The following TFAP2B variants were observed in gnomAD, a reference collection of about 807,000 sequenced individuals.
The protein encoded by TFAP2B is transcription factor AP-2 beta, also known as transcription factor AP-2-beta.
A neutral mutation model predicts 44.3 loss-of-function variants in TFAP2B; 9 were observed. That is an observed-to-expected ratio of 0.20 (90% CI 0.12 to 0.35). TFAP2B has a LOEUF of 0.35. TFAP2B is among the 10% of genes least tolerant of loss of function. The pLI is 1.00. For missense variants in TFAP2B, 509 were observed against 600.0 expected (o/e 0.85, Z 1.59); for synonymous variants, 270 against 263.8 (o/e 1.02, Z -0.23).
In TFAP2B at chr6:50,823,595, C is replaced by T. The variant is rs759283766; in HGVS notation, c.270C>T (p.Asn90=). The change falls in exon 2 of 7, where the codon AAC becomes AAT. Residue 90 remains asparagine, a synonymous_variant. Transcript: ENST00000393655. ...HQSQDPYSHV[N]DPYSLNPLHQ... ...GCCAGGACCCCTACTCCCACGTCAA[C>T]GACCCCTACTCCCTGAACCCACTGC... is the stretch of plus-strand genomic sequence containing the variant. 25 of 1,613,978 alleles carry T rather than the reference C, an allele frequency of 1.5e-5. No individual in the cohort carries two copies. The highest frequency in any genetic ancestry group is 2.0e-5 in the Non-Finnish European group (24 of 1,180,022).
At chr6:50,836,809 TA>T (rs1321444838) in intron 4 of TFAP2B, among the ~76,000 whole-genome samples, 2 of 152,206 alleles carry the variant, frequency 1.3e-5, no homozygotes, top group African/African-American at 4.8e-5. Flanking sequence ...CCCAGTTTGA[TA>T]AACTCTTTTT....
At chr6:50,825,295 G>GTT (rs11345533) in intron 2 of TFAP2B, among the ~76,000 whole-genome samples, 136 of 150,154 alleles carry the variant, frequency 9.1e-4, no homozygotes, top group East Asian at 1.8e-3. Flanking sequence ...GTATTTAATA[G>GTT]TTTTTTTTTT....
At chr6:50,835,956 C>G (rs536695761) in intron 3 of TFAP2B, 105 bp from the exon 4 acceptor site, 1 of 938,122 alleles carries the variant, frequency 1.1e-6, no homozygotes, top group East Asian at 2.4e-5. Context: ...CCTCAGCTTT[C>G]CACTTGGTGT....
At chr6:50,842,945 C>A in intron 6 of TFAP2B, 147 bp from the exon 7 acceptor site, 1 of 1,146,478 alleles carries the variant, frequency 8.7e-7, no homozygotes. Context: ...AGGGAGGGCG[C>A]TGGGAAAGGA....
At chr6:50,832,775 G>C (rs1374488645) in intron 3 of TFAP2B, among the ~76,000 whole-genome samples, 2 of 152,164 alleles carry the variant, frequency 1.3e-5, no homozygotes, top group African/African-American at 4.8e-5. Flanking sequence ...TTAAAGAGTA[G>C]AGATTAAAAA....
At chr6:50,819,103 A>G in intron 1 of TFAP2B, 131 bp downstream of exon 1, 1 of 904,226 alleles carries the variant, frequency 1.1e-6, no homozygotes, top group East Asian at 2.6e-5. Context: ...AGCTTTTTTT[A>G]ACTTTTAGAA....
chr6:50,840,486 G>A (rs1261960544), intron 6 of TFAP2B, among the ~76,000 whole-genome samples, 189 bp downstream of exon 6: 1 of 152,168 alleles, frequency 6.6e-6, no homozygotes, highest in East Asian at 1.9e-4. Flanking sequence ...CCTCTCTGGG[G>A]AAAATGGCTT....
chr6:50,818,705 C>T (rs1581802343), upstream of TFAP2B: 9 of 603,610 alleles, frequency 1.5e-5, no homozygotes, highest in Non-Finnish European at 2.1e-5. Context: ...CATCTAACTC[C>T]TGTGTGTGCA....
intron 3 of TFAP2B, among the ~76,000 whole-genome samples, chr6:50,829,246 A>G (rs1183318685): frequency 6.6e-6 from 1 of 152,210 alleles, no homozygotes; most frequent in Non-Finnish European, 1.5e-5. Context: ...CTTCCTACAT[A>G]TGCATTCATG....
chr6:50,818,653 A>C, upstream of TFAP2B: 1 of 525,210 alleles, frequency 1.9e-6, no homozygotes, highest in South Asian at 2.3e-5. Flanking sequence ...CTGGGTGTAA[A>C]TACGGGTTTA....
rs190779552 is a variant in TFAP2B, at chr6:50,843,302, G to C, written c.1293G>C (p.Met431Ile). The C allele has an allele frequency of 5.6e-6, 9 of 1,614,154 alleles. No individual in the cohort carries two copies. The African/African-American group carries it at 1.1e-4, about 19-fold the overall frequency. ...LTEALKGMDK[M>I]FLNNTTTNRH... Reference sequence around the variant, plus strand: ...AGGCGCTCAAAGGCATGGACAAGATGTTCTTGAACAACACCACCACTAACA... The same window carrying C: ...AGGCGCTCAAAGGCATGGACAAGATCTTCTTGAACAACACCACCACTAACA... Residue 431 changes from methionine to isoleucine, a missense_variant, in exon 7 of 7, where the codon ATG becomes ATC. Transcript: ENST00000393655.
intron 2 of TFAP2B, among the ~76,000 whole-genome samples, chr6:50,827,542 C>A (rs1770562211): frequency 6.6e-6 from 1 of 152,190 alleles, no homozygotes; most frequent in Non-Finnish European, 1.5e-5. Flanking sequence ...TGTGAGGATG[C>A]AGCATGAGTC....
chr6:50,835,395 T>G (rs1409446387), intron 3 of TFAP2B, among the ~76,000 whole-genome samples: 1 of 152,174 alleles, frequency 6.6e-6, no homozygotes, highest in African/African-American at 2.4e-5. Context: ...TCTAAATGAA[T>G]CTGTTGTTAT....
At chr6:50,829,074 G>GCT (rs1770603835) in intron 3 of TFAP2B, among the ~76,000 whole-genome samples, 2 of 152,202 alleles carry the variant, frequency 1.3e-5, no homozygotes, top group African/African-American at 4.8e-5. Flanking sequence ...TATTGAGATA[G>GCT]CTCTTTCTTC....
At position 50,838,000 on chromosome 6, in the gene TFAP2B, T is replaced by A. The variant is rs772075871; in HGVS notation, c.847T>A (p.Ser283Thr). ...AGCCAAATCGAAAAATGGGGGGAGA[T>A]CTTTGCGAGAAAGGCTAGAAAAAAT... is the stretch of plus-strand genomic sequence containing the variant. ...RRAKSKNGGRSLRERLEKIGL... is the reference protein window; with the variant it reads ...RRAKSKNGGRTLRERLEKIGL... The change falls in exon 5 of 7, where the codon TCT (serine) becomes ACT (threonine). Residue 283 changes from serine to threonine, a missense_variant. Ser to Thr is a moderately conservative substitution (Grantham distance 58, BLOSUM62 1). Coordinates refer to ENST00000393655, the MANE Select transcript of TFAP2B (RefSeq NM_003221.4). The A allele has an allele frequency of 3.1e-6, 5 of 1,614,126 alleles. No homozygotes were observed. The highest frequency in any genetic ancestry group is 4.2e-6 in the Non-Finnish European group (5 of 1,180,016).
chr6:50,828,530 A>C, intron 2 of TFAP2B, 89 bp from the exon 3 acceptor site: 1 of 1,146,466 alleles, frequency 8.7e-7, no homozygotes, highest in Non-Finnish European at 1.3e-6. Flanking sequence ...AATGGAAATA[A>C]CAGAAACTCC....
rs1561960977 is a variant in TFAP2B, at chr6:50,828,697, C to CA, written c.601+23dup. The stretch of plus-strand genomic sequence containing the variant: ...TAAAAAAGGTATGGATAATTCCCCC[C>CA]AAAAAGTAAGCAAAGTTCTCTCATG... On this transcript the variant is annotated intron_variant, in intron 3 of 6. Coordinates refer to ENST00000393655, the MANE Select transcript of TFAP2B (RefSeq NM_003221.4). 1 of 1,613,756 alleles carries CA rather than the reference C, an allele frequency of 6.2e-7. No individual in the cohort carries two copies. Among genetic ancestry groups the CA allele is most frequent in the Admixed American group, 1.7e-5 (1 of 60,016 alleles).
rs944354945 is a variant in TFAP2B, at chr6:50,847,455, C to T, written c.*4063C>T. 6.6e-5 allele frequency: 10 copies of T among 152,528 alleles called. No homozygotes were observed. The highest frequency in any genetic ancestry group is 2.0e-4 in the Admixed American group (3 of 15,282). 9.4% of individuals were successfully genotyped at this position (152,528 alleles called of 1,614,324 possible). On this transcript the variant is annotated 3_prime_UTR_variant, in exon 7 of 7. Coordinates refer to ENST00000393655, the MANE Select transcript of TFAP2B (RefSeq NM_003221.4). ...GGATTATTTATCTGTGAATCTATAC[C>T]TCTGTGAATGGGTGGTTAAAAAACC...
intron 2 of TFAP2B, among the ~76,000 whole-genome samples, chr6:50,825,637 G>T (rs1382282541): frequency 2.0e-5 from 3 of 152,210 alleles, no homozygotes; most frequent in African/African-American, 7.2e-5. Flanking sequence ...TCTTGTCAAA[G>T]CGTCGGAAAG....
Sources: allele counts gnomAD v4.1 joint callset (sites outside exome capture counted in the v4.1 genomes callset), GRCh38; gene constraint gnomAD v4.1.1; transcripts MANE v1.5; gene names NCBI Gene and HGNC (gene_info 2026-07-23, HGNC 2026-07-21).